Variants in CCDC88C observed in about 807,000 individuals in gnomAD.
CCDC88C encodes the protein coiled-coil and HOOK domain protein 88C.
In CCDC88C, 131 loss-of-function variants were observed where a neutral mutation model predicts 198.8. That is an observed-to-expected ratio of 0.66 (90% CI 0.57 to 0.76). The LOEUF is 0.76. Among genes scored for constraint, CCDC88C ranks in the 30% least tolerant of loss-of-function variants. The probability of loss-of-function intolerance (pLI) is 0.00; values close to 1 mark genes in which losing one functional copy is unlikely to be tolerated. For missense variants in CCDC88C, 2,553 were observed against 2,631.6 expected (o/e 0.97, Z 0.65); for synonymous variants, 1,166 against 1,114.7 (o/e 1.05, Z -0.92).
chr14:91,346,133 C>A (rs1893537471), intron 4 of CCDC88C, among the ~76,000 whole-genome samples: 1 of 152,130 alleles, frequency 6.6e-6, no homozygotes, highest in South Asian at 2.1e-4. Context: ...ATTTCAGATC[C>A]CTGGGTATAA....
At chr14:91,407,117 A>G (rs1326499284) in intron 3 of CCDC88C, among the ~76,000 whole-genome samples, 6 of 152,040 alleles carry the variant, frequency 3.9e-5, no homozygotes, top group Non-Finnish European at 7.4e-5. Flanking sequence ...GACGGAAACA[A>G]CCATCTCAGA....
chr14:91,320,447 G>A (rs58097103), intron 13 of CCDC88C, among the ~76,000 whole-genome samples: 2,796 of 152,326 alleles, frequency 0.018, 98 homozygotes, highest in African/African-American at 0.064. Flanking sequence ...CGCACCCACC[G>A]CCCTGTGCAT....
chr14:91,279,635 G>A (rs1026262783), intron 27 of CCDC88C: 13 of 218,390 alleles, frequency 6.0e-5, no homozygotes, highest in African/African-American at 2.8e-4. Flanking sequence ...AAAAGGCTGT[G>A]CTGGGTGAAC....
intron 10 of CCDC88C, among the ~76,000 whole-genome samples, chr14:91,337,466 A>G (rs1046925878): frequency 3.3e-5 from 5 of 152,192 alleles, no homozygotes; most frequent in African/African-American, 1.2e-4. Context: ...CAGCCTCCTG[A>G]GTAGCTGGGA....
chr14:91,383,808 A>C (rs1161063983), intron 3 of CCDC88C, among the ~76,000 whole-genome samples: 1 of 152,200 alleles, frequency 6.6e-6, no homozygotes, highest in Non-Finnish European at 1.5e-5. Context: ...AGGACCTAGC[A>C]CTGGAAGGTG....
At position 91,305,708 on chromosome 14, in the gene CCDC88C, G is replaced by A. The variant is rs775954214; in HGVS notation, c.3357+57C>T. 118 of 1,541,510 alleles carry A rather than the reference G, an allele frequency of 7.7e-5. No homozygotes were observed. The Admixed American group carries it at 1.1e-3, about 14-fold the overall frequency. On this transcript the variant is annotated intron_variant, in intron 19 of 29. Coordinates refer to ENST00000389857, the MANE Select transcript of CCDC88C (RefSeq NM_001080414.4). ...TAATGCCCCCAGTTGGTCCCCAGGA[G>A]CCACAGATAAACATCCCGCCAGGCT...
At chr14:91,306,189 CCTTT>C (rs1312813655) in intron 18 of CCDC88C, among the ~76,000 whole-genome samples, 1 of 152,174 alleles carries the variant, frequency 6.6e-6, no homozygotes, top group African/African-American at 2.4e-5. Flanking sequence ...AAAGCTGCTT[CCTTT>C]GTCTCTTTAA....
At chr14:91,312,449 G>A (rs540002240) in intron 15 of CCDC88C, among the ~76,000 whole-genome samples, 106 of 152,266 alleles carry the variant, frequency 7.0e-4, no homozygotes, top group African/African-American at 2.5e-3. Flanking sequence ...TTGGGAGGCC[G>A]AGGCGGGTGG....
rs1388643498 is a variant in CCDC88C at position 91,412,472 on chromosome 14, G to A, written c.162-3705C>T. 4.7e-5 allele frequency among the ~76,000 whole-genome samples: 7 copies of A among 148,812 alleles called. No individual in the cohort carries two copies. The South Asian group carries it at 1.5e-3, about 31-fold the overall frequency. ...TTTTTTTGAGATGGAGTCTGGCTCT[G>A]TTGCCCAGGCTGGGTGCAGTGGCAC... On this transcript the variant is annotated intron_variant, in intron 2 of 29. Coordinates refer to ENST00000389857, the MANE Select transcript of CCDC88C (RefSeq NM_001080414.4).
At chr14:91,290,894 G>A (rs1890632976) in intron 24 of CCDC88C, 101 bp downstream of exon 24, 2 of 702,312 alleles carry the variant, frequency 2.8e-6, no homozygotes. Flanking sequence ...GTGCACAGGT[G>A]GATGGTGCGG....
chr14:91,319,930 C>G lies in CCDC88C; in HGVS notation c.1527+1190G>C, dbSNP rs188468096. Among the ~76,000 whole-genome samples, 568 of 142,618 alleles carry G rather than the reference C, an allele frequency of 4.0e-3. 2 individuals carry two copies. Among genetic ancestry groups the G allele is most frequent in the Middle Eastern group, 0.025 (6 of 244 alleles). 93.6% of individuals were successfully genotyped at this position (142,618 alleles called of 152,430 possible). A position where few individuals can be genotyped will look rare whatever the true frequency, so the allele number is the denominator to read the frequency against. Reference sequence around the variant, plus strand: ...ATCCCAGCTACTCGGGAGGCTGAGGCAGGAGAATCACTTGAACCTGGGAGG... The same window carrying G: ...ATCCCAGCTACTCGGGAGGCTGAGGGAGGAGAATCACTTGAACCTGGGAGG... On this transcript the variant is annotated intron_variant, in intron 13 of 29. Transcript: ENST00000389857.
chr14:91,295,502 G>A (rs867649896), intron 22 of CCDC88C, among the ~76,000 whole-genome samples: 26 of 152,350 alleles, frequency 1.7e-4, no homozygotes, highest in African/African-American at 5.3e-4. Context: ...GACCCTGTGT[G>A]GCCGGGGGGG....
At chr14:91,357,964 CA>C (rs1894118200) in intron 4 of CCDC88C, among the ~76,000 whole-genome samples, 1 of 152,222 alleles carries the variant, frequency 6.6e-6, no homozygotes, top group South Asian at 2.1e-4. Flanking sequence ...CCAGGAGGAC[CA>C]GGGGTGGCCT....
Position 91,305,941 on chromosome 14 carries a change from G to A in CCDC88C, c.3196-15C>T, listed in dbSNP as rs111339863. 1,812 of 1,608,740 alleles carry A rather than the reference G, an allele frequency of 1.1e-3. 17 individuals carry two copies. The African/African-American group carries it at 0.022, about 19-fold the overall frequency. On this transcript the variant is annotated splice_polypyrimidine_tract_variant and intron_variant, in intron 18 of 29. Coordinates refer to ENST00000389857, the MANE Select transcript of CCDC88C (RefSeq NM_001080414.4). Reference sequence around the variant, plus strand: ...AGAGCTGCATTCTAGAAGATCGGGAGGCATGAGCGAATCAAACTCCAACTG... The same window carrying A: ...AGAGCTGCATTCTAGAAGATCGGGAAGCATGAGCGAATCAAACTCCAACTG...
intron 23 of CCDC88C, among the ~76,000 whole-genome samples, chr14:91,291,657 GTGCTGCCATCTCCGGCAGACCC>G (rs1890666756): frequency 6.6e-6 from 1 of 152,190 alleles, no homozygotes; most frequent in African/African-American, 2.4e-5. Context: ...GTGAGCCCCT[GTGCTGCCATCTCCGGCAGACCC>G]TGCTGCCACA....
In CCDC88C at chr14:91,381,514, G is replaced by A. The variant is rs1884788658; in HGVS notation, c.271-21803C>T. Reference sequence around the variant, plus strand: ...TTCTGCCCCAGGTGGCCCCTGCAGGGGACTGCAGACTGTCTTCCATTCAAG... The same window carrying A: ...TTCTGCCCCAGGTGGCCCCTGCAGGAGACTGCAGACTGTCTTCCATTCAAG... On this transcript the variant is annotated intron_variant, in intron 3 of 29. Transcript: ENST00000389857. This position sits in a 1 kb window ranked among gnomAD's most constrained non-coding sequence, Gnocchi z 4.2. Among the ~76,000 whole-genome samples the A allele has an allele frequency of 6.6e-6, 1 of 152,194 alleles. No homozygotes were observed. Among genetic ancestry groups the A allele is most frequent in the Non-Finnish European group, 1.5e-5 (1 of 68,026 alleles).
intron 16 of CCDC88C, 104 bp downstream of exon 16, chr14:91,309,755 G>A (rs748697432): frequency 3.9e-5 from 48 of 1,234,904 alleles, no homozygotes; most frequent in East Asian, 5.3e-5. Context: ...CACAGCCCTC[G>A]GCAGTAGAGA....
Position 91,281,454 on chromosome 14 carries a change from C to G in CCDC88C, c.4699+3G>C, listed in dbSNP as rs745724134. 12 of 1,613,780 alleles carry G rather than the reference C, an allele frequency of 7.4e-6. No individual in the cohort carries two copies. The highest frequency in any genetic ancestry group is 1.0e-5 in the Non-Finnish European group (12 of 1,179,828). On this transcript the variant is annotated splice_donor_region_variant and intron_variant, in intron 27 of 29. Transcript: ENST00000389857. ...TGGAGGACACAGCACCCTCCCTACT[C>G]ACCGTACTGCCTGTGGTTGGGGACC...
At chr14:91,275,959 C>A (rs1889945221) in intron 29 of CCDC88C, among the ~76,000 whole-genome samples, 1 of 151,024 alleles carries the variant, frequency 6.6e-6, no homozygotes. Flanking sequence ...GTAGCTGGGA[C>A]TACAGGCGCG....
Sources: allele counts gnomAD v4.1 joint callset (sites outside exome capture counted in the v4.1 genomes callset), GRCh38; gene constraint gnomAD v4.1.1; non-coding constraint Gnocchi (gnomAD v3.1); transcripts MANE v1.5; gene names NCBI Gene and HGNC (gene_info 2026-07-23, HGNC 2026-07-21).